Variants in SBNO1 observed in about 807,000 individuals in gnomAD.
SBNO1 encodes the protein strawberry notch homolog 1.
A neutral mutation model predicts 173.6 loss-of-function variants in SBNO1; 23 were observed. The observed-to-expected ratio is 0.13, with a 90% CI of 0.10 to 0.19. The LOEUF is 0.19. Among genes scored for constraint, SBNO1 ranks in the 10% least tolerant of loss-of-function variants. The probability of loss-of-function intolerance (pLI) is 1.00; values close to 1 mark genes in which losing one functional copy is unlikely to be tolerated. For missense variants in SBNO1, 1,238 were observed against 1,671.2 expected, an observed-to-expected ratio of 0.74 and a Z score of 4.52; for synonymous variants, 632 against 571.5, an observed-to-expected ratio of 1.11 and a Z score of -1.51.
Position 123,321,555 on chromosome 12 carries a change from G to A in SBNO1, c.2303C>T (p.Ser768Phe), listed in dbSNP as rs934565768. ...DDDFNPFLDE[S>F]NEDDENDPWL... is the part of the protein sequence containing the mutation. The stretch of plus-strand genomic sequence containing the variant: ...CTTACCATTTTCATCATCCTCATTA[G>A]ACTCATCTAAAAATGGGTTGAAATC... Residue 768 changes from serine to phenylalanine, a missense_variant, in exon 17 of 32, where the codon TCT (serine) becomes TTT (phenylalanine). By Grantham distance (155) the Ser-to-Phe change is radical. Coordinates refer to ENST00000602398, the MANE Select transcript of SBNO1 (RefSeq NM_001167856.3). 1.1e-5 allele frequency: 17 copies of A among 1,612,002 alleles called. No homozygotes were observed. Among genetic ancestry groups the A allele is most frequent in the Non-Finnish European group, 1.4e-5 (16 of 1,178,264 alleles).
chr12:123,320,200 G>A lies in SBNO1; in HGVS notation c.2668-169C>T, dbSNP rs1490569328. On this transcript the variant is annotated intron_variant, in intron 19 of 31. Coordinates refer to ENST00000602398, the MANE Select transcript of SBNO1 (RefSeq NM_001167856.3). ...AGTCCCTGGAAAAACCTTGACACAT[G>A]GCCACGATCACAAAAGATGCGTGAT... Among the ~76,000 whole-genome samples the A allele has an allele frequency of 7.2e-5, 11 of 152,140 alleles. No individual in the cohort carries two copies. In the East Asian group the frequency reaches 2.1e-3, roughly 29 times the overall value.
At chr12:123,323,946 G>A (rs1363584081) in intron 15 of SBNO1, 115 bp from the exon 16 acceptor site, 2 of 763,554 alleles carry the variant, frequency 2.6e-6, no homozygotes, top group Non-Finnish European at 3.7e-6. Context: ...ACTGATAAAC[G>A]AGCTCAAATA....
Position 123,314,183 on chromosome 12 carries a change from T to C in SBNO1, c.3121-464A>G, listed in dbSNP as rs147223975. ...ATGTATTTATTTATTTTTTCTTTTT[T>C]TGGAGACAGAGTTTTGCTCATCGCC... On this transcript the variant is annotated intron_variant, in intron 23 of 31. Transcript: ENST00000602398. Among the ~76,000 whole-genome samples the C allele has an allele frequency of 1.6e-3, 245 of 152,274 alleles. 2 individuals are homozygous for C. The highest frequency in any genetic ancestry group is 5.5e-3 in the African/African-American group (230 of 41,580).
chr12:123,357,501 G>C (rs1371124820), intron 1 of SBNO1, among the ~76,000 whole-genome samples: 1 of 151,962 alleles, frequency 6.6e-6, no homozygotes, highest in African/African-American at 2.4e-5. Context: ...CTAGCACTTT[G>C]GTAGGCTGAG....
chr12:123,327,194 A>G (rs1281791819), intron 13 of SBNO1, among the ~76,000 whole-genome samples: 2 of 151,942 alleles, frequency 1.3e-5, no homozygotes, highest in Non-Finnish European at 2.9e-5. Flanking sequence ...TATTTTTAGT[A>G]GAGATGAGGT....
chr12:123,320,808 ACTTTT>A lies in SBNO1; in HGVS notation c.2377_2381del (p.Lys793TyrfsTer21). On this transcript the variant is annotated frameshift_variant, in exon 18 of 32. Transcript: ENST00000602398. LOFTEE classifies it high-confidence loss of function. The stretch of plus-strand genomic sequence containing the variant: ...CACTTTGAATAGAATCTGGATCTAT[ACTTTT>A]CTTCTTTTTTTTCTCTTTGTTTTTC... 1 of 1,600,024 alleles carries A rather than the reference ACTTTT, an allele frequency of 6.2e-7. No homozygotes were observed. The highest frequency in any genetic ancestry group is 8.5e-7 in the Non-Finnish European group (1 of 1,174,474).
Position 123,317,325 on chromosome 12 carries a change from G to A in SBNO1, c.2831C>T (p.Ser944Leu), listed in dbSNP as rs1566031532. 1.2e-6 allele frequency: 2 copies of A among 1,613,922 alleles called. No homozygotes were observed. The highest frequency in any genetic ancestry group is 1.7e-6 in the Non-Finnish European group (2 of 1,179,870). ...NIAIISEAAS[S>L]GISLQADRRA... is the part of the protein sequence containing the mutation. ...CCTATCTGCTTGTAATGAAATACCC[G>A]AGCTGGCAGCTTCTGAGATGATAGC... is the stretch of plus-strand genomic sequence containing the variant. Residue 944 changes from serine (S) to leucine (L), a missense_variant, in exon 21 of 32, where the codon TCG becomes TTG. This residue lies in a region of SBNO1 where 39 missense variants were observed against 129.7 expected (regional missense o/e 0.30). Transcript: ENST00000602398.
At chr12:123,332,060 A>T (rs1351319617) in intron 7 of SBNO1, among the ~76,000 whole-genome samples, 1 of 151,570 alleles carries the variant, frequency 6.6e-6, no homozygotes, top group Non-Finnish European at 1.5e-5. Flanking sequence ...CACGTTGACC[A>T]GGATGGTCTC....
intron 28 of SBNO1, 119 bp downstream of exon 28, chr12:123,309,191 T>C: frequency 1.4e-6 from 1 of 725,422 alleles, no homozygotes; most frequent in Non-Finnish European, 2.4e-6. Context: ...AATGATAAAT[T>C]ACCAAAATAG....
At chr12:123,299,228 AGTGGTGG>A (rs1342156368) in intron 30 of SBNO1, among the ~76,000 whole-genome samples, 2 of 151,826 alleles carry the variant, frequency 1.3e-5, no homozygotes, top group Admixed American at 1.3e-4. Context: ...ATTAGCCAGG[AGTGGTGG>A]CAGGCACCTG....
intron 30 of SBNO1, among the ~76,000 whole-genome samples, 165 bp from the exon 31 acceptor site, chr12:123,298,336 G>A (rs1478294874): frequency 1.3e-5 from 2 of 151,874 alleles, no homozygotes; most frequent in Non-Finnish European, 2.9e-5. Context: ...GTGCGATCTC[G>A]GCTCATTGCA....
At chr12:123,363,622 T>C (rs1875664563) in intron 1 of SBNO1, among the ~76,000 whole-genome samples, 1 of 152,130 alleles carries the variant, frequency 6.6e-6, no homozygotes, top group Admixed American at 6.6e-5. Flanking sequence ...AACTTCCGGG[T>C]GCACTTACAA....
chr12:123,296,540 T>C (rs1395622344), intron 31 of SBNO1, among the ~76,000 whole-genome samples: 1 of 150,288 alleles, frequency 6.7e-6, no homozygotes, highest in Admixed American at 6.8e-5. Flanking sequence ...ATAAATTGCA[T>C]GCATATATAT....
intron 4 of SBNO1, 40 bp from the exon 5 acceptor site, chr12:123,341,128 C>G (rs1566047143): frequency 8.3e-7 from 1 of 1,200,132 alleles, no homozygotes; most frequent in Non-Finnish European, 1.2e-6. Context: ...GAAGAAAATT[C>G]TGAACTTATT....
intron 5 of SBNO1, among the ~76,000 whole-genome samples, chr12:123,338,828 G>C (rs1872165903): frequency 6.6e-6 from 1 of 151,866 alleles, no homozygotes; most frequent in Non-Finnish European, 1.5e-5. Flanking sequence ...AGCTGAGATT[G>C]CACCACTGCC....
At chr12:123,337,172 A>T (rs1053771277) in intron 5 of SBNO1, among the ~76,000 whole-genome samples, 1 of 152,116 alleles carries the variant, frequency 6.6e-6, no homozygotes, top group Non-Finnish European at 1.5e-5. Flanking sequence ...TGAGTTGGGG[A>T]GCTATTGAGG....
Position 123,323,746 on chromosome 12 carries a change from C to T in SBNO1, c.2059G>A (p.Ala687Thr). The T allele has an allele frequency of 1.9e-6, 3 of 1,612,678 alleles. No homozygotes were observed. The highest frequency in any genetic ancestry group is 2.5e-6 in the Non-Finnish European group (3 of 1,179,418). Residue 687 changes from alanine (A) to threonine (T), a missense_variant, in exon 16 of 32, where the codon GCT becomes ACT. Ala to Thr is a moderately conservative substitution (Grantham distance 58). Transcript: ENST00000602398. ...LYSLLGIDLT[A>T]PSNNSSPRDS... ...CTTGGCGAACTGTTGTTACTTGGAG[C>T]TGTCAAATCGATTCCTAGTAAACTA...
At chr12:123,341,801 T>C (rs1357146987) in intron 4 of SBNO1, among the ~76,000 whole-genome samples, 1 of 151,262 alleles carries the variant, frequency 6.6e-6, no homozygotes, top group Non-Finnish European at 1.5e-5. Flanking sequence ...GTGCTGGGAT[T>C]ACAGGCGTGA....
In SBNO1 at chr12:123,295,964, T is replaced by C. The variant is rs1346514216; in HGVS notation, c.4126A>G (p.Lys1376Glu). 6.2e-7 allele frequency: 1 copy of C among 1,613,818 alleles called. No individual in the cohort carries two copies. Among genetic ancestry groups the C allele is most frequent in the South Asian group, 1.1e-5 (1 of 91,074 alleles). Residue 1376 changes from lysine (K) to glutamate (E), a missense_variant, in exon 32 of 32, where the codon AAA (lysine) becomes GAA (glutamate). By Grantham distance (56) the Lys-to-Glu change is moderately conservative. Transcript: ENST00000602398. ...DQSQQLAVQQ[K>E]QLWQQHHPQS... ...GGGTGATGCTGTTGCCATAGCTGTTTCTGTTGGACCGCAAGCTGTTGAGAC... is the reference window on the plus strand; with the variant it reads ...GGGTGATGCTGTTGCCATAGCTGTTCCTGTTGGACCGCAAGCTGTTGAGAC...
Sources: gnomAD v4.1 joint callset for allele counts (sites outside exome capture counted in the v4.1 genomes callset) on GRCh38, gnomAD v4.1.1 for gene constraint, gnomAD v4.1.1 regional missense constraint, MANE v1.5 for transcripts, NCBI Gene and HGNC (gene_info 2026-07-23, HGNC 2026-07-21) for gene names.